The following COL11A1 variants were observed in gnomAD, a reference collection of about 807,000 sequenced individuals.
COL11A1 encodes collagen alpha-1(XI) chain.
COL11A1 carries 74 observed loss-of-function variants against 265.2 expected under a neutral mutation model. That is an observed-to-expected ratio of 0.28 (90% CI 0.23 to 0.34). The LOEUF is 0.34. Among genes scored for constraint, COL11A1 ranks in the 10% least tolerant of loss-of-function variants. The pLI, the probability that COL11A1 is intolerant of heterozygous loss-of-function variation, is 1.00. For synonymous variants in COL11A1, 816 were observed against 727.6 expected, an observed-to-expected ratio of 1.12 and a Z score of -1.96; for missense variants, 2,165 against 2,263.6, an observed-to-expected ratio of 0.96 and a Z score of 0.88.
intron 1 of COL11A1, among the ~76,000 whole-genome samples, chr1:103,101,983 T>C (rs549075493): frequency 1.1e-3 from 167 of 152,154 alleles, no homozygotes; most frequent in Non-Finnish European, 1.8e-3. Flanking sequence ...GATCAGCCAA[T>C]GTCTAAAGAA....
intron 4 of COL11A1, among the ~76,000 whole-genome samples, chr1:103,053,122 C>T (rs1669961715): frequency 6.6e-6 from 1 of 152,082 alleles, no homozygotes; most frequent in African/African-American, 2.4e-5. Context: ...TCCAATGACG[C>T]ACTAATCAGC....
At position 103,084,595 on chromosome 1, in the gene COL11A1, GAA is replaced by G. The variant is rs34675170; in HGVS notation, c.107-1625_107-1624del. On this transcript the variant is annotated intron_variant, in intron 1 of 66. Transcript: ENST00000370096. ...TACACTACATGAAATATGCCATTTA[GAA>G]AAAAAAAAAAAAACACTTTATCTTT... Among the ~76,000 whole-genome samples, 110 of 135,850 alleles carry G rather than the reference GAA, an allele frequency of 8.1e-4. 1 individual carries two copies. Among genetic ancestry groups the G allele is most frequent in the East Asian group, 4.8e-3 (23 of 4,786 alleles). The allele number at this position is 135,850 out of a possible 152,430, so 89.1% of individuals were successfully genotyped here.
chr1:103,052,262 T>TA (rs555372395), intron 4 of COL11A1, among the ~76,000 whole-genome samples: 25 of 152,014 alleles, frequency 1.6e-4, no homozygotes, highest in East Asian at 7.7e-4. Context: ...AAAAGAATTC[T>TA]AAAAAAAACC....
intron 65 of COL11A1, among the ~76,000 whole-genome samples, chr1:102,881,496 C>T (rs1650232991): frequency 6.6e-6 from 1 of 151,872 alleles, no homozygotes; most frequent in African/African-American, 2.4e-5. Context: ...AGCATATTTC[C>T]ATTTACTTTT....
chr1:102,885,564 T>A (rs73000270), intron 63 of COL11A1, among the ~76,000 whole-genome samples: 2,825 of 152,190 alleles, frequency 0.019, 77 homozygotes, highest in African/African-American at 0.064. Context: ...AAAACATCTA[T>A]ATTTTTTCAG....
intron 54 of COL11A1, among the ~76,000 whole-genome samples, chr1:102,905,247 T>C (rs1359127061): frequency 1.5e-5 from 2 of 132,828 alleles, no homozygotes; most frequent in Admixed American, 1.5e-4. Flanking sequence ...GGGGGAGGGA[T>C]AGCATTAGGA....
At chr1:102,927,992 C>A (rs1400157719) in intron 46 of COL11A1, among the ~76,000 whole-genome samples, 1 of 152,106 alleles carries the variant, frequency 6.6e-6, no homozygotes, top group East Asian at 1.9e-4. Flanking sequence ...GAAAGTGTCT[C>A]CAGATCCGCC....
At chr1:103,049,254 A>G (rs994662987) in intron 4 of COL11A1, among the ~76,000 whole-genome samples, 3 of 152,140 alleles carry the variant, frequency 2.0e-5, no homozygotes, top group Non-Finnish European at 2.9e-5. Flanking sequence ...GTAGGTCACT[A>G]AGGACTTCCT....
chr1:103,014,461 T>A, intron 13 of COL11A1, 50 bp downstream of exon 13: 1 of 1,435,216 alleles, frequency 7.0e-7, no homozygotes, highest in Non-Finnish European at 9.8e-7. Context: ...ACATATATAC[T>A]TGATACAGAG....
chr1:102,938,010 T>A (rs1191610859), intron 44 of COL11A1, among the ~76,000 whole-genome samples: 1 of 152,236 alleles, frequency 6.6e-6, no homozygotes, highest in Non-Finnish European at 1.5e-5. Flanking sequence ...TTTGTTTCAC[T>A]GCATATAAAA....
chr1:102,877,881 C>T lies in COL11A1; in HGVS notation c.*138G>A, dbSNP rs889137809. Reference sequence around the variant, plus strand: ...TGTGATTCTGCCCCCACAAAGGCATCGGTATTTCCTAAATGGTACCTGTAT... The same window carrying T: ...TGTGATTCTGCCCCCACAAAGGCATTGGTATTTCCTAAATGGTACCTGTAT... On this transcript the variant is annotated 3_prime_UTR_variant, in exon 67 of 67. Coordinates refer to ENST00000370096, the MANE Select transcript of COL11A1 (RefSeq NM_001854.4). 46 of 797,962 alleles carry T rather than the reference C, an allele frequency of 5.8e-5. No individual in the cohort carries two copies. The highest frequency in any genetic ancestry group is 4.3e-4 in the African/African-American group (25 of 58,498). 49.4% of individuals were successfully genotyped at this position (797,962 alleles called of 1,614,324 possible). A position where few individuals can be genotyped will look rare whatever the true frequency, so the allele number is the denominator to read the frequency against.
intron 47 of COL11A1, among the ~76,000 whole-genome samples, 175 bp from the exon 48 acceptor site, chr1:102,921,746 G>A (rs1656012443): frequency 6.6e-6 from 1 of 152,160 alleles, no homozygotes. Flanking sequence ...TAGCAAATGA[G>A]CCTTTACACA....
rs1173736609 is a variant in COL11A1, at chr1:103,078,823, T to C, written c.323A>G (p.Lys108Arg). The C allele has an allele frequency of 1.9e-6, 3 of 1,612,300 alleles. No individual in the cohort carries two copies. Among genetic ancestry groups the C allele is most frequent in the Non-Finnish European group, 2.5e-6 (3 of 1,178,834 alleles). ...DFSILFTVKP[K>R]KGIQSFLLSI... ...TAAAAGGAAAGACTGAATTCCTTTT[T>C]TTGGTTTTACTGTAAATAGTATTGA... is the stretch of plus-strand genomic sequence containing the variant. Residue 108 changes from lysine to arginine, a missense_variant, in exon 3 of 67, where the codon AAA (lysine) becomes AGA (arginine). Lys to Arg is a conservative substitution (Grantham distance 26). Transcript: ENST00000370096.
chr1:102,964,017 A>C (rs546936142), intron 38 of COL11A1, among the ~76,000 whole-genome samples: 94 of 152,326 alleles, frequency 6.2e-4, no homozygotes, highest in Admixed American at 1.8e-3. Context: ...TTCTCTTAAA[A>C]AGGACCAATA....
At chr1:103,034,651 C>A (rs901994937) in intron 4 of COL11A1, among the ~76,000 whole-genome samples, 1 of 151,760 alleles carries the variant, frequency 6.6e-6, no homozygotes, top group African/African-American at 2.4e-5. Context: ...CATAATTGTT[C>A]ATTTAATGTC....
At chr1:102,955,612 A>G (rs1660299843) in intron 41 of COL11A1, among the ~76,000 whole-genome samples, 1 of 152,134 alleles carries the variant, frequency 6.6e-6, no homozygotes, top group South Asian at 2.1e-4. Context: ...TGTTAATGAG[A>G]TTGTTCTCTA....
intron 4 of COL11A1, among the ~76,000 whole-genome samples, chr1:103,043,762 T>A (rs1300632241): frequency 6.6e-6 from 1 of 152,090 alleles, no homozygotes; most frequent in African/African-American, 2.4e-5. Flanking sequence ...AGACTTCTAG[T>A]TATAATTTTT....
At chr1:103,041,814 A>AG (rs2102055150) in intron 4 of COL11A1, among the ~76,000 whole-genome samples, 1 of 152,164 alleles carries the variant, frequency 6.6e-6, no homozygotes, top group Non-Finnish European at 1.5e-5. Flanking sequence ...AAACGATGGA[A>AG]GGCTTGCTCA....
chr1:103,028,774 T>C (rs963129063), intron 5 of COL11A1, among the ~76,000 whole-genome samples: 2 of 152,172 alleles, frequency 1.3e-5, no homozygotes, highest in Non-Finnish European at 2.9e-5. Flanking sequence ...AGATAATATA[T>C]TTTGAAAAGC....
Sources: allele counts gnomAD v4.1 joint callset (sites outside exome capture counted in the v4.1 genomes callset), GRCh38; gene constraint gnomAD v4.1.1; transcripts MANE v1.5; gene names NCBI Gene and HGNC (gene_info 2026-07-23, HGNC 2026-07-21).